The following PRSS23 variants were observed in gnomAD, a reference collection of about 807,000 sequenced individuals.
PRSS23 encodes the protein serine protease 23.
Under a neutral mutation model 34.7 loss-of-function variants are expected in PRSS23, and 25 were observed. The ratio of observed to expected loss-of-function variants is 0.72; its 90% confidence interval spans 0.53 to 1.01. The LOEUF (loss-of-function observed/expected upper bound fraction) is 1.01, where lower values mean the gene tolerates loss of function less well. Among genes scored for constraint, PRSS23 ranks in the 50% least tolerant of loss-of-function variants. The pLI, the probability that PRSS23 is intolerant of heterozygous loss-of-function variation, is 0.00. For synonymous variants in PRSS23, 176 were observed against 186.6 expected, an observed-to-expected ratio of 0.94 and a Z score of 0.46; for missense variants, 445 against 475.6, an observed-to-expected ratio of 0.94 and a Z score of 0.60.
intron 2 of PRSS23, among the ~76,000 whole-genome samples, chr11:86,881,301 T>C (rs1277093992): frequency 6.6e-6 from 1 of 151,558 alleles, no homozygotes; most frequent in East Asian, 1.9e-4. Context: ...GTTTGTCAAA[T>C]GTTTGGCTTT....
rs1293228409 is a variant in PRSS23, at chr11:86,914,439, A to G, written c.207-36777A>G. Reference sequence around the variant, plus strand: ...AAAAAGTGAATGGAAGGTGAGGAAGAGCACAGCATCCTATGTCATAGATGC... The same window carrying G: ...AAAAAGTGAATGGAAGGTGAGGAAGGGCACAGCATCCTATGTCATAGATGC... On this transcript the variant is annotated intron_variant, in intron 2 of 2. Transcript: ENST00000533902. Among the ~76,000 whole-genome samples the G allele has an allele frequency of 2.0e-5, 3 of 152,234 alleles. No homozygotes were observed. The East Asian group carries it at 5.8e-4, about 29-fold the overall frequency.
chr11:86,903,848 G>A, intron 2 of PRSS23, among the ~76,000 whole-genome samples: 1 of 152,064 alleles, frequency 6.6e-6, no homozygotes, highest in Non-Finnish European at 1.5e-5. Flanking sequence ...CTGGGTAAGT[G>A]ACTTATTTAT....
intron 2 of PRSS23, among the ~76,000 whole-genome samples, chr11:86,941,952 C>T (rs567007955): frequency 2.7e-4 from 41 of 152,280 alleles, no homozygotes; most frequent in African/African-American, 9.1e-4. Flanking sequence ...TTCTTCTTTC[C>T]TCCCTGCCTT....
chr11:86,869,095 A>G (rs1948668753), intron 2 of PRSS23, among the ~76,000 whole-genome samples: 2 of 152,090 alleles, frequency 1.3e-5, no homozygotes, highest in African/African-American at 4.8e-5. Flanking sequence ...CTCCCTGCCA[A>G]TTTTGGATAA....
downstream of PRSS23, among the ~76,000 whole-genome samples, chr11:86,815,828 A>G (rs1033341676): frequency 2.6e-5 from 4 of 151,860 alleles, no homozygotes; most frequent in Non-Finnish European, 5.9e-5. Flanking sequence ...GCTATCCATC[A>G]CCTCCTCTCC....
chr11:86,951,293 C>G (rs80358298), exon 3 of PRSS23: 1 of 1,613,956 alleles, frequency 6.2e-7, no homozygotes, highest in African/African-American at 1.3e-5. Context: ...TGAAGTGATG[C>G]CCACCAACAA....
intron 2 of PRSS23, among the ~76,000 whole-genome samples, chr11:86,876,528 A>G (rs1948725174): frequency 6.6e-6 from 1 of 152,194 alleles, no homozygotes; most frequent in African/African-American, 2.4e-5. Flanking sequence ...CTAAAATATT[A>G]AAGTGTAGTC....
rs560402741 is a variant in PRSS23 at position 86,847,184 on chromosome 11, G to A, written c.206+23591G>A. ...GCAGCTGTTCTCTCAGCCCTGGTCTGGAGGACATCCACCACCCCCTTTAAG... is the reference window on the plus strand; with the variant it reads ...GCAGCTGTTCTCTCAGCCCTGGTCTAGAGGACATCCACCACCCCCTTTAAG... On this transcript the variant is annotated intron_variant, in intron 2 of 2. Coordinates refer to the PRSS23 transcript ENST00000533902. 5.6e-4 allele frequency among the ~76,000 whole-genome samples: 86 copies of A among 152,296 alleles called. 1 individual carries two copies. In the East Asian group the frequency reaches 6.6e-3, roughly 12 times the overall value.
intron 2 of PRSS23, among the ~76,000 whole-genome samples, chr11:86,843,009 A>G (rs983100389): frequency 2.0e-5 from 3 of 152,144 alleles, no homozygotes; most frequent in African/African-American, 7.2e-5. Context: ...CACGCTACCT[A>G]ACTTCAAACT....
At chr11:86,857,337 G>T in intron 2 of PRSS23, 1 of 310,698 alleles carries the variant, frequency 3.2e-6, no homozygotes, top group Non-Finnish European at 5.5e-6. Flanking sequence ...GAATGGAGGA[G>T]ACAATTTTAT....
intron 2 of PRSS23, among the ~76,000 whole-genome samples, chr11:86,824,616 C>G (rs1387167842): frequency 7.1e-6 from 1 of 139,896 alleles, no homozygotes; most frequent in Non-Finnish European, 1.5e-5. Context: ...TCTCCTAAAG[C>G]TATCCCTCCC....
At chr11:86,941,335 A>G (rs936077057) in intron 2 of PRSS23, among the ~76,000 whole-genome samples, 1 of 152,200 alleles carries the variant, frequency 6.6e-6, no homozygotes, top group African/African-American at 2.4e-5. Context: ...AGTAGCATTG[A>G]TCCTTTGTGG....
chr11:86,899,381 T>C (rs1317628225), intron 2 of PRSS23, among the ~76,000 whole-genome samples: 1 of 152,124 alleles, frequency 6.6e-6, no homozygotes, highest in Non-Finnish European at 1.5e-5. Flanking sequence ...TAGCCAGGTA[T>C]GGCAGCTCGC....
chr11:86,895,635 A>G (rs1468332175), intron 2 of PRSS23, among the ~76,000 whole-genome samples: 1 of 151,704 alleles, frequency 6.6e-6, no homozygotes, highest in East Asian at 1.9e-4. Context: ...ACATACTACC[A>G]TGCCCAGCTA....
At chr11:86,799,965 TAGG>T (rs1948009835), upstream of PRSS23, among the ~76,000 whole-genome samples, 1 of 152,096 alleles carries the variant, frequency 6.6e-6, no homozygotes, top group African/African-American at 2.4e-5. Context: ...CCGGAGAAAC[TAGG>T]AGTTCGGTCA....
At chr11:86,905,459 C>G (rs1948936065) in intron 2 of PRSS23, among the ~76,000 whole-genome samples, 1 of 152,134 alleles carries the variant, frequency 6.6e-6, no homozygotes, top group African/African-American at 2.4e-5. Context: ...ATATATGAAT[C>G]TGTTATTTCC....
intron 2 of PRSS23, among the ~76,000 whole-genome samples, chr11:86,876,376 G>A (rs995212039): frequency 2.6e-5 from 4 of 152,314 alleles, no homozygotes; most frequent in South Asian, 4.1e-4. Context: ...CAAGTAAGGT[G>A]TGTCCTAGCA....
intron 2 of PRSS23, chr11:86,951,016 G>GGTCAACTTAATT: frequency 9.8e-7 from 1 of 1,018,730 alleles, no homozygotes; most frequent in Non-Finnish European, 1.5e-6. Context: ...TGGGTTGACG[G>GGTCAACTTAATT]GGGTCACTTA....
At chr11:86,939,652 A>G (rs1217241480) in intron 2 of PRSS23, among the ~76,000 whole-genome samples, 5 of 151,450 alleles carry the variant, frequency 3.3e-5, no homozygotes, top group Admixed American at 2.6e-4. Context: ...TTTATTTCTG[A>G]AGGAGGATGT....
Sources: gnomAD v4.1 joint callset for allele counts (sites outside exome capture counted in the v4.1 genomes callset) on GRCh38, gnomAD v4.1.1 for gene constraint, MANE v1.5 for transcripts, NCBI Gene and HGNC (gene_info 2026-07-23, HGNC 2026-07-21) for gene names.